Variants in DAB1 observed in about 807,000 individuals in gnomAD.
DAB1 encodes the protein DAB adaptor protein 1, also known as disabled homolog 1.
DAB1 carries 15 observed loss-of-function variants against 64.6 expected under a neutral mutation model. The observed-to-expected ratio is 0.23, with a 90% CI of 0.16 to 0.36. The LOEUF (loss-of-function observed/expected upper bound fraction) is 0.36. Among genes scored for constraint, DAB1 ranks in the 10% least tolerant of loss-of-function variants. DAB1 has a pLI of 1.00. For synonymous variants in DAB1, 235 were observed against 251.9 expected, an observed-to-expected ratio of 0.93 and a Z score of 0.64; for missense variants, 596 against 706.7, an observed-to-expected ratio of 0.84 and a Z score of 1.78.
chr1:57,828,006 T>A (rs183437751), intron 1 of DAB1, among the ~76,000 whole-genome samples: 250 of 152,220 alleles, frequency 1.6e-3, no homozygotes, highest in African/African-American at 5.8e-3. Context: ...AGTGCAGTGG[T>A]GCGATCTCGG....
intron 4 of DAB1, among the ~76,000 whole-genome samples, chr1:58,210,114 CTT>C (rs1658480725): frequency 2.0e-5 from 3 of 152,196 alleles, no homozygotes; most frequent in Admixed American, 1.3e-4. Context: ...TACAACAACT[CTT>C]GAGGTTGATA....
chr1:58,146,742 A>G (rs1467572108), intron 5 of DAB1, among the ~76,000 whole-genome samples: 1 of 151,862 alleles, frequency 6.6e-6, no homozygotes, highest in East Asian at 1.9e-4. Context: ...TCTATTATAA[A>G]TTCTATTATT....
intron 7 of DAB1, among the ~76,000 whole-genome samples, chr1:57,645,977 G>A (rs1035121236): frequency 6.6e-6 from 1 of 152,174 alleles, no homozygotes; most frequent in Non-Finnish European, 1.5e-5. Context: ...TAAGTAGATG[G>A]AATCTGAGGA....
At chr1:57,253,537 C>T (rs963500974) in intron 2 of DAB1, among the ~76,000 whole-genome samples, 22 of 152,000 alleles carry the variant, frequency 1.4e-4, no homozygotes, top group African/African-American at 4.1e-4. Flanking sequence ...CCAGAGATAA[C>T]GAAGTTTGAA....
chr1:57,169,888 T>A (rs1661565577), intron 2 of DAB1, among the ~76,000 whole-genome samples: 2 of 152,052 alleles, frequency 1.3e-5, no homozygotes, highest in South Asian at 4.1e-4. Context: ...GCGAGCCCAA[T>A]CTCTCTCCCC....
intron 3 of DAB1, among the ~76,000 whole-genome samples, chr1:58,459,998 TCA>T (rs1480692896): frequency 6.6e-6 from 1 of 151,870 alleles, no homozygotes; most frequent in Non-Finnish European, 1.5e-5. Flanking sequence ...AAGAAGAAAA[TCA>T]CAAAGTCCAG....
At chr1:57,570,309 C>T (rs1461512429) in intron 7 of DAB1, among the ~76,000 whole-genome samples, 7 of 152,124 alleles carry the variant, frequency 4.6e-5, no homozygotes, top group African/African-American at 1.7e-4. Flanking sequence ...AGTTTTGGAA[C>T]TCGAACTGAT....
chr1:58,329,255 A>G (rs1330860339), intron 4 of DAB1, among the ~76,000 whole-genome samples: 2 of 152,212 alleles, frequency 1.3e-5, no homozygotes, highest in Non-Finnish European at 2.9e-5. Flanking sequence ...GCTTTTTTCT[A>G]TACATACATA....
chr1:58,193,838 A>G (rs1435639971), intron 4 of DAB1, among the ~76,000 whole-genome samples: 1 of 152,146 alleles, frequency 6.6e-6, no homozygotes, highest in Non-Finnish European at 1.5e-5. Context: ...CCTGGGCAAC[A>G]AAAGCAAAAC....
At chr1:57,964,696 T>C (rs1413692024) in intron 5 of DAB1, among the ~76,000 whole-genome samples, 3 of 152,202 alleles carry the variant, frequency 2.0e-5, no homozygotes, top group Admixed American at 6.5e-5. Flanking sequence ...TTTCCTGTAC[T>C]GAACACTGTA....
At chr1:57,910,115 A>G (rs940208339) in intron 5 of DAB1, among the ~76,000 whole-genome samples, 2 of 152,234 alleles carry the variant, frequency 1.3e-5, no homozygotes, top group African/African-American at 4.8e-5. Context: ...TAAAATCCCC[A>G]GCAAGGAAAT....
intron 6 of DAB1, among the ~76,000 whole-genome samples, chr1:57,668,647 T>C (rs1646475667): frequency 6.6e-6 from 1 of 152,118 alleles, no homozygotes; most frequent in South Asian, 2.1e-4. Flanking sequence ...AAGCCTGTTC[T>C]GTGAAACATC....
chr1:57,588,561 CT>C (rs1164335088), intron 7 of DAB1, among the ~76,000 whole-genome samples: 1 of 152,170 alleles, frequency 6.6e-6, no homozygotes, highest in African/African-American at 2.4e-5. Context: ...GAGTCCTCTC[CT>C]TATCTGCTTA....
At chr1:57,438,695 C>T (rs543340045) in intron 7 of DAB1, among the ~76,000 whole-genome samples, 2 of 152,280 alleles carry the variant, frequency 1.3e-5, no homozygotes, top group African/African-American at 4.8e-5. Context: ...ATCCCTTTAT[C>T]TTCTGGAGTC....
intron 9 of DAB1, among the ~76,000 whole-genome samples, chr1:57,048,918 G>A (rs927087542): frequency 1.3e-5 from 2 of 152,190 alleles, no homozygotes; most frequent in African/African-American, 4.8e-5. Flanking sequence ...AACTGCATAT[G>A]CGACCACTTA....
chr1:58,054,870 A>G (rs1416495934), intron 5 of DAB1, among the ~76,000 whole-genome samples: 1 of 152,216 alleles, frequency 6.6e-6, no homozygotes, highest in Non-Finnish European at 1.5e-5. Flanking sequence ...CGAAGATGAG[A>G]TTCTGTGTGA....
At chr1:57,130,170 A>G (rs1271418907) in intron 4 of DAB1, among the ~76,000 whole-genome samples, 1 of 151,992 alleles carries the variant, frequency 6.6e-6, no homozygotes, top group Non-Finnish European at 1.5e-5. Context: ...CTTAGAGGAC[A>G]TAGAAAGACT....
chr1:57,137,928 G>A (rs552987890), intron 3 of DAB1, among the ~76,000 whole-genome samples: 6 of 152,140 alleles, frequency 3.9e-5, no homozygotes, highest in Middle Eastern at 3.4e-3. Flanking sequence ...TTATACTCCT[G>A]GTTCTGTATA....
intron 9 of DAB1, among the ~76,000 whole-genome samples, chr1:57,060,164 TATTTG>T: frequency 6.8e-6 from 1 of 146,402 alleles, no homozygotes. Context: ...TATTTTATTT[TATTTG>T]AGACGGAGTT....
Sources: allele counts gnomAD v4.1 joint callset (sites outside exome capture counted in the v4.1 genomes callset), GRCh38; gene constraint gnomAD v4.1.1; transcripts MANE v1.5; gene names NCBI Gene and HGNC (gene_info 2026-07-23, HGNC 2026-07-21).